The following RNF150 variants were observed in gnomAD, a reference collection of about 807,000 sequenced individuals.
RNF150 encodes the protein ring finger protein 150.
A neutral mutation model predicts 39.3 loss-of-function variants in RNF150; 24 were observed. That is an observed-to-expected ratio of 0.61 (90% CI 0.44 to 0.86). The LOEUF is 0.86. Ranked by LOEUF, RNF150 falls within the 40% of genes least tolerant of loss-of-function variation. The pLI is 0.00. For missense variants in RNF150, 502 were observed against 587.8 expected, an observed-to-expected ratio of 0.85 and a Z score of 1.51; for synonymous variants, 255 against 227.3, an observed-to-expected ratio of 1.12 and a Z score of -1.10.
At chr4:140,994,059 C>A (rs957171697) in intron 1 of RNF150, among the ~76,000 whole-genome samples, 4 of 152,110 alleles carry the variant, frequency 2.6e-5, no homozygotes, top group African/African-American at 4.8e-5. Flanking sequence ...AAATAATTAC[C>A]CACTTCAACT....
intron 1 of RNF150, among the ~76,000 whole-genome samples, chr4:140,984,623 C>T (rs1733964729): frequency 6.6e-6 from 1 of 152,110 alleles, no homozygotes; most frequent in African/African-American, 2.4e-5. Context: ...CTCCCCTATC[C>T]CATACATTTT....
At chr4:141,109,794 T>C (rs1332643034) in intron 1 of RNF150, among the ~76,000 whole-genome samples, 4 of 152,084 alleles carry the variant, frequency 2.6e-5, no homozygotes, top group Admixed American at 6.5e-5. Flanking sequence ...AAGATCATGA[T>C]AGCAATTAAG....
chr4:141,062,157 A>T (rs1414769143), intron 1 of RNF150, among the ~76,000 whole-genome samples: 2 of 152,142 alleles, frequency 1.3e-5, no homozygotes, highest in Non-Finnish European at 2.9e-5. Flanking sequence ...TATATCCATT[A>T]TGCTCAGGTA....
In RNF150 at chr4:140,963,938, C is replaced by A. The variant is rs554360738; in HGVS notation, c.735+3685G>T. Among the ~76,000 whole-genome samples, 16 of 151,934 alleles carry A rather than the reference C, an allele frequency of 1.1e-4. No homozygotes were observed. The South Asian group carries it at 3.3e-3, about 32-fold the overall frequency. ...ATATATATCTCAATCTAGAAGACTA[C>A]ACGGGAAAATAATAAAATGAAGAAA... On this transcript the variant is annotated intron_variant, in intron 2 of 6. Coordinates refer to ENST00000515673, the MANE Select transcript of RNF150 (RefSeq NM_020724.2).
intron 6 of RNF150, among the ~76,000 whole-genome samples, chr4:140,878,015 T>C (rs901792683): frequency 3.3e-5 from 5 of 152,188 alleles, no homozygotes; most frequent in African/African-American, 1.2e-4. Context: ...CTGTGGCTCC[T>C]GAAGTGTTGG....
At chr4:140,898,237 TAGAG>T (rs1223414955) in intron 6 of RNF150, among the ~76,000 whole-genome samples, 1 of 151,836 alleles carries the variant, frequency 6.6e-6, no homozygotes, top group Non-Finnish European at 1.5e-5. Context: ...TTCCAGATAT[TAGAG>T]AGCCTTAGGT....
intron 1 of RNF150, among the ~76,000 whole-genome samples, chr4:141,056,754 A>T (rs1480415765): frequency 6.6e-6 from 1 of 151,760 alleles, no homozygotes; most frequent in Admixed American, 6.6e-5. Context: ...TCCCCTTCCC[A>T]TCTGGGAGCC....
chr4:140,990,026 T>G lies in RNF150; in HGVS notation c.485-22153A>C, dbSNP rs577308050. 2.0e-5 allele frequency among the ~76,000 whole-genome samples: 3 copies of G among 152,374 alleles called. No individual in the cohort carries two copies. The East Asian group carries it at 5.8e-4, about 29-fold the overall frequency. On this transcript the variant is annotated intron_variant, in intron 1 of 6. Transcript: ENST00000515673. ...GTTCTTTCTTTCCTTTGGACCTGTT[T>G]TCAGCATCTATTTGAAAGTTCCAAA... is the stretch of plus-strand genomic sequence containing the variant.
intron 1 of RNF150, among the ~76,000 whole-genome samples, chr4:141,159,611 T>C (rs897234918): frequency 5.3e-5 from 8 of 152,096 alleles, no homozygotes; most frequent in Non-Finnish European, 8.8e-5. Flanking sequence ...GGCGCAATCA[T>C]GGCTAACTGC....
intron 1 of RNF150, among the ~76,000 whole-genome samples, chr4:141,117,517 T>C (rs1386366252): frequency 6.6e-6 from 1 of 152,208 alleles, no homozygotes; most frequent in Non-Finnish European, 1.5e-5. Context: ...CATCTAGATT[T>C]GTACCATCTA....
At chr4:141,142,089 G>A (rs923026680) in intron 1 of RNF150, among the ~76,000 whole-genome samples, 1 of 151,800 alleles carries the variant, frequency 6.6e-6, no homozygotes, top group African/African-American at 2.4e-5. Context: ...TCCTTTGAAC[G>A]TTTTATACCT....
chr4:141,063,297 A>T (rs1180844010), intron 1 of RNF150, among the ~76,000 whole-genome samples: 7 of 152,234 alleles, frequency 4.6e-5, no homozygotes, highest in African/African-American at 9.6e-5. Context: ...ATAAATAAAC[A>T]AAATTTCAAA....
At chr4:140,922,452 G>A (rs940282829) in intron 5 of RNF150, among the ~76,000 whole-genome samples, 8 of 150,948 alleles carry the variant, frequency 5.3e-5, no homozygotes. Flanking sequence ...ACAAACCACT[G>A]CTCAATGAAA....
chr4:141,178,540 G>C (rs1816508), intron 1 of RNF150, among the ~76,000 whole-genome samples: 57,591 of 152,024 alleles, frequency 0.38, 13,331 homozygotes, highest in Non-Finnish European at 0.51. Context: ...GTGCAAAAGA[G>C]TGGGTTCCAC....
chr4:140,909,978 A>G (rs184000577), intron 6 of RNF150, among the ~76,000 whole-genome samples: 2 of 152,336 alleles, frequency 1.3e-5, no homozygotes, highest in Admixed American at 1.3e-4. Context: ...TCTCAACTAT[A>G]TAATAAAAGA....
At chr4:141,071,416 T>C (rs1737700102) in intron 1 of RNF150, among the ~76,000 whole-genome samples, 1 of 149,806 alleles carries the variant, frequency 6.7e-6, no homozygotes, top group South Asian at 2.1e-4. Context: ...TTGGGTAGTA[T>C]TTCCAGTTTA....
At chr4:141,003,028 G>C (rs989851585) in intron 1 of RNF150, among the ~76,000 whole-genome samples, 5 of 152,036 alleles carry the variant, frequency 3.3e-5, no homozygotes, top group African/African-American at 1.2e-4. Flanking sequence ...AAAGAGGTAG[G>C]TTTGCCACCA....
At chr4:140,954,086 C>T (rs1369496779) in intron 2 of RNF150, among the ~76,000 whole-genome samples, 1 of 152,212 alleles carries the variant, frequency 6.6e-6, no homozygotes, top group Admixed American at 6.5e-5. Context: ...TCAGGGACCA[C>T]TTCAGGTGGA....
intron 5 of RNF150, among the ~76,000 whole-genome samples, chr4:140,912,321 G>A (rs1730637655): frequency 6.6e-6 from 1 of 152,192 alleles, no homozygotes; most frequent in African/African-American, 2.4e-5. Flanking sequence ...AAAGGTGGTG[G>A]TGGAGGAATA....
Sources: gnomAD v4.1 joint callset for allele counts (sites outside exome capture counted in the v4.1 genomes callset) on GRCh38, gnomAD v4.1.1 for gene constraint, MANE v1.5 for transcripts, NCBI Gene and HGNC (gene_info 2026-07-23, HGNC 2026-07-21) for gene names.